The following AGL variants were observed in gnomAD, a reference collection of about 807,000 sequenced individuals.
AGL encodes the protein glycogen debranching enzyme.
A neutral mutation model predicts 199.3 loss-of-function variants in AGL; 128 were observed. The observed-to-expected ratio is 0.64, with a 90% CI of 0.56 to 0.74. AGL has a LOEUF of 0.74. Among genes scored for constraint, AGL ranks in the 30% least tolerant of loss-of-function variants. The pLI is 0.00. For missense variants in AGL, 1,809 were observed against 1,820.8 expected (o/e 0.99, Z 0.12); for synonymous variants, 584 against 594.7 (o/e 0.98, Z 0.26).
chr1:99,861,290 C>T, intron 2 of AGL: 2 of 1,410,490 alleles, frequency 1.4e-6, no homozygotes, highest in Non-Finnish European at 1.8e-6. Flanking sequence ...CATTACAGAG[C>T]AGACAGCTCT....
At chr1:99,893,085 A>T (rs1653033201) in intron 24 of AGL, among the ~76,000 whole-genome samples, 1 of 152,206 alleles carries the variant, frequency 6.6e-6, no homozygotes, top group Admixed American at 6.5e-5. Context: ...CTAGATTTAA[A>T]ACCTGAATCA....
chr1:99,910,762 G>A lies in AGL; in HGVS notation c.3751G>A (p.Gly1251Arg), dbSNP rs745452268. ...VDEETGFVYG[G>R]NRFNCGTWMD... ...TGAAGAAACAGGATTTGTTTATGGA[G>A]GAAATCGTTTCAATTGTGGCACATG... Residue 1251 changes from glycine to arginine, a missense_variant, in exon 28 of 34, where the codon GGA becomes AGA. Physicochemically the swap from Gly to Arg is moderately radical, Grantham distance 125. Coordinates refer to ENST00000361915, the MANE Select transcript of AGL (RefSeq NM_000642.3). The A allele has an allele frequency of 5.0e-6, 8 of 1,612,284 alleles. No individual in the cohort carries two copies. The African/African-American group carries it at 5.3e-5, about 11-fold the overall frequency.
rs2100759275 is a variant in AGL, at chr1:99,881,297, A to G, written c.2007A>G (p.Ser669=). Residue 669 remains serine, a synonymous_variant, in exon 16 of 34, where the codon TCA becomes TCG. Transcript: ENST00000361915. ...TAAATTTTACCTTTGTCCAGATTTC[A>G]GTGGTTTCTGAAGAACGGTTTTACA... The part of the protein sequence containing the change: ...GYDELVPHQI[S]VVSEERFYTK... 1 of 1,614,094 alleles carries G rather than the reference A, an allele frequency of 6.2e-7. No individual in the cohort carries two copies. Among genetic ancestry groups the G allele is most frequent in the Non-Finnish European group, 8.5e-7 (1 of 1,179,976 alleles).
Position 99,852,804 on chromosome 1 carries a change from T to C in AGL, c.82+1680T>C. 3 of 760,626 alleles carry C rather than the reference T, an allele frequency of 3.9e-6. No homozygotes were observed. In the South Asian group the frequency reaches 4.1e-5, roughly 10 times the overall value. 47.1% of individuals were successfully genotyped at this position (760,626 alleles called of 1,614,324 possible). The stretch of plus-strand genomic sequence containing the variant: ...TTTGTGATAAAGCCCTAAATAAATA[T>C]AAGGCATTGATATGAATCACTCCAT... On this transcript the variant is annotated intron_variant, in intron 2 of 33. Coordinates refer to ENST00000361915, the MANE Select transcript of AGL (RefSeq NM_000642.3).
At position 99,879,958 on chromosome 1, in the gene AGL, T is replaced by C. The variant is rs1651872419; in HGVS notation, c.1647T>C (p.Asn549=). Residue 549 remains asparagine (N), a synonymous_variant, in exon 13 of 34, where the codon AAT becomes AAC. Coordinates refer to ENST00000361915, the MANE Select transcript of AGL (RefSeq NM_000642.3). The part of the protein sequence containing the change: ...MLDAARNLQP[N]LYVVAELFTG... ...ATGCTGCTAGGAATTTGCAACCCAA[T>C]TTATATGTAGTAGCTGAACTGTTCA... The C allele has an allele frequency of 1.2e-6, 2 of 1,613,630 alleles. No homozygotes were observed. The highest frequency in any genetic ancestry group is 1.1e-5 in the South Asian group (1 of 91,082).
intron 2 of AGL, among the ~76,000 whole-genome samples, chr1:99,860,325 G>A (rs1396260944): frequency 6.6e-6 from 1 of 151,672 alleles, no homozygotes; most frequent in East Asian, 1.9e-4. Context: ...AAATTCCTTA[G>A]ATATTAAAGA....
intron 25 of AGL, among the ~76,000 whole-genome samples, chr1:99,896,880 G>A (rs993470336): frequency 3.3e-5 from 5 of 151,954 alleles, no homozygotes; most frequent in South Asian, 2.1e-4. Flanking sequence ...GCACAGTCTC[G>A]GCTCACTGCA....
At chr1:99,899,493 C>T (rs560259529) in intron 25 of AGL, among the ~76,000 whole-genome samples, 6 of 151,958 alleles carry the variant, frequency 3.9e-5, no homozygotes, top group Non-Finnish European at 8.8e-5. Context: ...AGGTCAGCTT[C>T]TACCAGTTTG....
At chr1:99,915,949 G>A (rs1268939372) in intron 31 of AGL, among the ~76,000 whole-genome samples, 4 of 151,934 alleles carry the variant, frequency 2.6e-5, no homozygotes. Flanking sequence ...CCGATAATAG[G>A]CCAATTTTAA....
In AGL at chr1:99,881,605, A is replaced by G. The variant is rs773044002; in HGVS notation, c.2222A>G (p.Gln741Arg). Residue 741 changes from glutamine (Q) to arginine (R), a missense_variant, in exon 17 of 34, where the codon CAG becomes CGG. Coordinates refer to ENST00000361915, the MANE Select transcript of AGL (RefSeq NM_000642.3). ...AVTRHSPSIH[Q>R]SVVAVSRTAF... ...ACAAGACACTCACCTAGCATCCATCAGTCTGTTGTGGCTGTATCTAGAACT... is the reference window on the plus strand; with the variant it reads ...ACAAGACACTCACCTAGCATCCATCGGTCTGTTGTGGCTGTATCTAGAACT... The G allele has an allele frequency of 1.7e-4, 271 of 1,613,910 alleles. No individual in the cohort carries two copies. The highest frequency in any genetic ancestry group is 3.3e-4 in the Middle Eastern group (2 of 6,082).
intron 4 of AGL, among the ~76,000 whole-genome samples, chr1:99,863,288 T>G (rs1258343719): frequency 6.6e-6 from 1 of 151,994 alleles, no homozygotes; most frequent in African/African-American, 2.4e-5. Context: ...AAATGGCAAA[T>G]TTTGTGGTTC....
At chr1:99,896,833 C>G (rs1553189520) in intron 25 of AGL, among the ~76,000 whole-genome samples, 1 of 151,966 alleles carries the variant, frequency 6.6e-6, no homozygotes, top group Non-Finnish European at 1.5e-5. Context: ...GTTTTTGAGA[C>G]AGAGTCTCGC....
chr1:99,849,351 CT>C (rs1448997514), upstream of AGL, among the ~76,000 whole-genome samples: 1 of 152,100 alleles, frequency 6.6e-6, no homozygotes, highest in Admixed American at 6.5e-5. Context: ...TTAACCAAAT[CT>C]TCTGTCCATT....
At chr1:99,903,332 G>C (rs74540181) in intron 27 of AGL, among the ~76,000 whole-genome samples, 1 of 150,484 alleles carries the variant, frequency 6.6e-6, no homozygotes. Flanking sequence ...TCCCCTTCCC[G>C]TGTCCAAGTA....
intron 27 of AGL, among the ~76,000 whole-genome samples, chr1:99,903,671 A>C (rs949317057): frequency 9.8e-5 from 15 of 152,342 alleles, no homozygotes; most frequent in African/African-American, 3.4e-4. Context: ...TTGCTGGGTC[A>C]AATGGTATTT....
rs765840167 is a variant in AGL at position 99,916,600 on chromosome 1, G to C, written c.4350G>C (p.Glu1450Asp). 8 of 1,613,066 alleles carry C rather than the reference G, an allele frequency of 5.0e-6. No individual in the cohort carries two copies. Among genetic ancestry groups the C allele is most frequent in the Non-Finnish European group, 5.1e-6 (6 of 1,179,514 alleles). ...AKGFNYHQGPEWLWPIGYFLR... is the reference protein window; with the variant it reads ...AKGFNYHQGPDWLWPIGYFLR... ...GTCTTTTAAATAATCTTTTTTAGGA[G>C]TGGCTGTGGCCTATTGGGTATTTTC... The change falls in exon 33 of 34, where the codon GAG becomes GAC. Residue 1450 changes from glutamate to aspartate, a missense_variant and splice_region_variant. Coordinates refer to ENST00000361915, the MANE Select transcript of AGL (RefSeq NM_000642.3).
chr1:99,883,998 A>G, intron 17 of AGL, 122 bp from the exon 18 acceptor site: 1 of 788,800 alleles, frequency 1.3e-6, no homozygotes. Flanking sequence ...TCAGACTTCT[A>G]AAAAAAAGTA....
chr1:99,877,550 G>A lies in AGL; in HGVS notation c.1424-91G>A, dbSNP rs28730702. 5.0e-6 allele frequency: 6 copies of A among 1,188,486 alleles called. No individual in the cohort carries two copies. In the East Asian group the frequency reaches 1.5e-4, roughly 29 times the overall value. 73.6% of individuals were successfully genotyped at this position (1,188,486 alleles called of 1,614,324 possible). A position where few individuals can be genotyped will look rare whatever the true frequency, so the allele number is the denominator to read the frequency against. Reference sequence around the variant, plus strand: ...CCAATATATCATTTATGGCAGAAATGATCAAAGCAATTTAAAAACCAGTGT... The same window carrying A: ...CCAATATATCATTTATGGCAGAAATAATCAAAGCAATTTAAAAACCAGTGT... On this transcript the variant is annotated intron_variant, in intron 11 of 33. Transcript: ENST00000361915.
At position 99,877,691 on chromosome 1, in the gene AGL, A is replaced by T; in HGVS notation, c.1474A>T (p.Lys492Ter). 6.2e-7 allele frequency: 1 copy of T among 1,614,074 alleles called. No homozygotes were observed. ...ACTTATTTGCTGGGGAGACAGTGTT[A>T]AATTACGCTATGGGAATAAACCAGA... is the stretch of plus-strand genomic sequence containing the variant. ...RELICWGDSV[K>*]LRYGNKPEDC... is the part of the protein sequence containing the mutation. The change falls in exon 12 of 34, where the codon AAA (lysine) becomes TAA (stop). Residue 492 changes from lysine (K) to a stop codon, truncating the protein, a stop_gained. Coordinates refer to ENST00000361915, the MANE Select transcript of AGL (RefSeq NM_000642.3). LOFTEE classifies it high-confidence loss of function.
Sources: allele counts gnomAD v4.1 joint callset (sites outside exome capture counted in the v4.1 genomes callset), GRCh38; gene constraint gnomAD v4.1.1; transcripts MANE v1.5; gene names NCBI Gene and HGNC (gene_info 2026-07-23, HGNC 2026-07-21).